SIGLEC9: variants seen among roughly 807,000 people sequenced by gnomAD.
SIGLEC9 encodes the protein sialic acid-binding Ig-like lectin 9.
A neutral mutation model predicts 38.3 loss-of-function variants in SIGLEC9; 26 were observed. The ratio of observed to expected loss-of-function variants is 0.68; its 90% CI spans 0.50 to 0.94. The LOEUF (loss-of-function observed/expected upper bound fraction) is 0.94. Among genes scored for constraint, SIGLEC9 ranks in the 40% least tolerant of loss-of-function variants. SIGLEC9 has a pLI of 0.00. For missense variants in SIGLEC9, 556 were observed against 585.7 expected (o/e 0.95, Z 0.52); for synonymous variants, 236 against 248.0 (o/e 0.95, Z 0.45).
chr19:51,134,381 T>A (rs2092032636), downstream of SIGLEC9, among the ~76,000 whole-genome samples: 1 of 152,044 alleles, frequency 6.6e-6, no homozygotes, highest in Non-Finnish European at 1.5e-5. Context: ...ATGGTCTTGA[T>A]CTCTTGACCC....
rs1164883049 is a variant in SIGLEC9 at position 51,125,323 on chromosome 19, T to A, written c.349T>A (p.Tyr117Asn). The A allele has an allele frequency of 1.9e-6, 3 of 1,612,736 alleles. No homozygotes were observed. Among genetic ancestry groups the A allele is most frequent in the Non-Finnish European group, 2.5e-6 (3 of 1,179,388 alleles). The change falls in exon 1 of 7, where the codon TAC becomes AAC. Residue 117 changes from tyrosine to asparagine, a missense_variant. Transcript: ENST00000250360. Reference protein sequence around the residue: ...RDARRSDAGRYFFRMEKGSIK... With the variant: ...RDARRSDAGRNFFRMEKGSIK... ...TGCCAGAAGAAGTGATGCGGGGAGATACTTCTTTCGTATGGAGAAAGGAAG... is the reference window on the plus strand; with the variant it reads ...TGCCAGAAGAAGTGATGCGGGGAGAAACTTCTTTCGTATGGAGAAAGGAAG...
rs2091983069 is a variant in SIGLEC9 at position 51,127,057 on chromosome 19, C to A, written c.776C>A (p.Ser259Tyr). 1.2e-6 allele frequency: 2 copies of A among 1,614,126 alleles called. No homozygotes were observed. Among genetic ancestry groups the A allele is most frequent in the Non-Finnish European group, 1.7e-6 (2 of 1,179,958 alleles). The change falls in exon 4 of 7, where the codon TCT becomes TAT. Residue 259 changes from serine (S) to tyrosine (Y), a missense_variant. Transcript: ENST00000250360. ...TCCACAGTCTTGGGAAATGGCTCAT[C>A]TCTGTCACTCCCAGAGGGCCAGTCT... ...TVSTVLGNGS[S>Y]LSLPEGQSLR...
Position 51,127,932 on chromosome 19 carries a change from C to T in SIGLEC9, c.1016-17C>T. ...TCTCTATGATATATCACAAAAATAA[C>T]TCCCATCTGTCAACAGGCAAAGCCA... is the stretch of plus-strand genomic sequence containing the variant. On this transcript the variant is annotated splice_polypyrimidine_tract_variant and intron_variant, in intron 4 of 6. Coordinates refer to ENST00000250360, the MANE Select transcript of SIGLEC9 (RefSeq NM_014441.3). 6.4e-7 allele frequency: 1 copy of T among 1,558,446 alleles called. No individual in the cohort carries two copies. The highest frequency in any genetic ancestry group is 2.2e-5 in the East Asian group (1 of 44,622).
chr19:51,121,518 C>T (rs1014701741), upstream of SIGLEC9, among the ~76,000 whole-genome samples: 4 of 151,984 alleles, frequency 2.6e-5, no homozygotes, highest in Non-Finnish European at 4.4e-5. Context: ...TGAACAATGT[C>T]TCCCGTCATG....
At chr19:51,120,845 CTTTT>C (rs67740870), upstream of SIGLEC9, 3 of 135,536 alleles carry the variant, frequency 2.2e-5, no homozygotes, top group South Asian at 2.2e-4. This position sits in a 1 kb window ranked among gnomAD's most constrained non-coding sequence, Gnocchi z 4.1. Flanking sequence ...ATCAGGAATT[CTTTT>C]TTTTTTTTTT....
At chr19:51,131,915 CAAAAAAAA>C (rs534454904), downstream of SIGLEC9, among the ~76,000 whole-genome samples, 1 of 117,434 alleles carries the variant, frequency 8.5e-6, no homozygotes, top group Admixed American at 9.0e-5. Context: ...GAGTCTGTGT[CAAAAAAAA>C]AAAAAAAAAA....
chr19:51,133,389 A>G (rs1332044658), downstream of SIGLEC9, among the ~76,000 whole-genome samples: 1 of 150,512 alleles, frequency 6.6e-6, no homozygotes, highest in Non-Finnish European at 1.5e-5. Context: ...CCTGGATAAC[A>G]TGGTGAAACA....
chr19:51,124,814 C>T (rs1025004895), upstream of SIGLEC9: 89 of 877,640 alleles, frequency 1.0e-4, no homozygotes, highest in Middle Eastern at 3.4e-4. Context: ...CCGGGCCTGA[C>T]AGTGTCTGGG....
At chr19:51,135,112 T>G (rs2122864026), downstream of SIGLEC9, among the ~76,000 whole-genome samples, 1 of 152,330 alleles carries the variant, frequency 6.6e-6, no homozygotes, top group African/African-American at 2.4e-5. Flanking sequence ...GTCATTATGT[T>G]GTTAGCTGGT....
rs2092007684 is a variant in SIGLEC9 at position 51,130,171 on chromosome 19, C to T, written c.*92C>T. On this transcript the variant is annotated 3_prime_UTR_variant, in exon 7 of 7. Transcript: ENST00000250360. The stretch of plus-strand genomic sequence containing the variant: ...TGATTCTTGTAGAATTAACAGCCCT[C>T]AACGTGATGAGCTATGATAACACTA... The T allele has an allele frequency of 6.7e-7, 1 of 1,498,650 alleles. No individual in the cohort carries two copies. Among genetic ancestry groups the T allele is most frequent in the South Asian group, 1.4e-5 (1 of 73,564 alleles). The allele number at this position is 1,498,650 out of a possible 1,614,324, so 92.8% of individuals were successfully genotyped here. A position where few individuals can be genotyped will look rare whatever the true frequency, so the allele number is the denominator to read the frequency against.
chr19:51,126,534 C>T (rs536922354), intron 3 of SIGLEC9, among the ~76,000 whole-genome samples: 5 of 152,208 alleles, frequency 3.3e-5, no homozygotes, highest in African/African-American at 1.2e-4. Context: ...TGCCTGCCCC[C>T]CTCCCCAGAA....
intron 6 of SIGLEC9, among the ~76,000 whole-genome samples, chr19:51,129,138 C>CT (rs1220098385): frequency 1.4e-4 from 20 of 142,752 alleles, no homozygotes; most frequent in African/African-American, 3.3e-4. Flanking sequence ...CACATTCTGA[C>CT]TTTTTTTGTT....
In SIGLEC9 at chr19:51,125,414, G is replaced by T; in HGVS notation, c.421+19G>T. ...GTGACAGGTAAGGCACAGGCTCCAG[G>T]AAAGGCCACAGGGAAAGGTCATGGG... On this transcript the variant is annotated intron_variant, in intron 1 of 6. Transcript: ENST00000250360. 6.4e-7 allele frequency: 1 copy of T among 1,567,130 alleles called. No homozygotes were observed. Among genetic ancestry groups the T allele is most frequent in the Non-Finnish European group, 8.6e-7 (1 of 1,156,352 alleles).
upstream of SIGLEC9, among the ~76,000 whole-genome samples, chr19:51,124,163 G>A (rs1244329423): frequency 2.0e-5 from 3 of 152,072 alleles, no homozygotes; most frequent in East Asian, 1.9e-4. Context: ...CTTTTCTTCC[G>A]AATTTCCTCC....
At chr19:51,136,116 T>G (rs1466394241) in exon 7 of SIGLEC9, 1 of 703,944 alleles carries the variant, frequency 1.4e-6, no homozygotes, top group Admixed American at 2.0e-5. Context: ...GGGGAGATAG[T>G]GTGGTCACTT....
chr19:51,125,753 C>T lies in SIGLEC9; in HGVS notation c.578C>T (p.Thr193Ile). 6.2e-7 allele frequency: 1 copy of T among 1,614,088 alleles called. No homozygotes were observed. Among genetic ancestry groups the T allele is most frequent in the Non-Finnish European group, 8.5e-7 (1 of 1,179,982 alleles). ...GTGTCCCCCCTGGACCCCTCCACCACCCGCTCCTCGGTGCTCACCCTCATC... is the reference window on the plus strand; with the variant it reads ...GTGTCCCCCCTGGACCCCTCCACCATCCGCTCCTCGGTGCTCACCCTCATC... ...TSVSPLDPST[T>I]RSSVLTLIPQ... Residue 193 changes from threonine to isoleucine, a missense_variant, in exon 2 of 7, where the codon ACC becomes ATC. Transcript: ENST00000250360.
intron 5 of SIGLEC9, 35 bp downstream of exon 5, chr19:51,128,074 G>A (rs2091990848): frequency 3.4e-6 from 5 of 1,480,174 alleles, no homozygotes; most frequent in Non-Finnish European, 2.8e-6. Flanking sequence ...GGGAGGGAGA[G>A]CCCTGGGGGA....
chr19:51,133,418 C>CAA (rs57292401), downstream of SIGLEC9, among the ~76,000 whole-genome samples: 558 of 132,190 alleles, frequency 4.2e-3, 1 homozygote, highest in Non-Finnish European at 7.0e-3. Flanking sequence ...ACCAAAAATA[C>CAA]AAAAAAAAAA....
exon 7 of SIGLEC9, chr19:51,136,028 C>T (rs114486750): frequency 1.1e-5 from 8 of 703,432 alleles, no homozygotes; most frequent in East Asian, 2.7e-5. Flanking sequence ...CCTGAATCTC[C>T]GTGATCTTTG....
Sources: gnomAD v4.1 joint callset for allele counts (sites outside exome capture counted in the v4.1 genomes callset) on GRCh38, gnomAD v4.1.1 for gene constraint, Gnocchi (gnomAD v3.1) non-coding constraint, MANE v1.5 for transcripts, NCBI Gene and HGNC (gene_info 2026-07-23, HGNC 2026-07-21) for gene names.